Variants in CHRNA9 observed in about 807,000 individuals in gnomAD.
The protein encoded by CHRNA9 is neuronal acetylcholine receptor subunit alpha-9.
Under a neutral mutation model 36.8 loss-of-function variants are expected in CHRNA9, and 24 were observed. The ratio of observed to expected loss-of-function variants is 0.65; its 90% CI spans 0.47 to 0.92. The LOEUF is 0.92. Among genes scored for constraint, CHRNA9 ranks in the 40% least tolerant of loss-of-function variants. The pLI, the probability that CHRNA9 is intolerant of heterozygous loss-of-function variation, is 0.00. For synonymous variants in CHRNA9, 231 were observed against 231.8 expected (o/e 1.00, Z 0.03); for missense variants, 610 against 601.2 (o/e 1.01, Z -0.15).
intron 2 of CHRNA9, among the ~76,000 whole-genome samples, chr4:40,336,604 G>A (rs1712326761): frequency 6.6e-6 from 1 of 151,890 alleles, no homozygotes; most frequent in South Asian, 2.1e-4. Flanking sequence ...AGCCTCCTGA[G>A]TAGCTGAGAC....
rs971333634 is a variant in CHRNA9, at chr4:40,354,114, T to C, written c.1034T>C (p.Met345Thr). The C allele has an allele frequency of 1.2e-6, 2 of 1,614,200 alleles. No homozygotes were observed. Among genetic ancestry groups the C allele is most frequent in the Non-Finnish European group, 1.7e-6 (2 of 1,180,028 alleles). The change falls in exon 5 of 5, where the codon ATG (methionine) becomes ACG (threonine). Residue 345 changes from methionine to threonine, a missense_variant. Physicochemically the swap from Met to Thr is moderately conservative, Grantham distance 81 (BLOSUM62 -1). Transcript: ENST00000310169. Reference protein sequence around the residue: ...HWARVVILKYMSRVLFVYDVG... With the variant: ...HWARVVILKYTSRVLFVYDVG... ...GCCAGGGTGGTCATCCTGAAATACA[T>C]GTCCAGGGTCTTGTTTGTCTATGAT... is the stretch of plus-strand genomic sequence containing the variant.
chr4:40,345,950 A>G (rs1283183893), intron 3 of CHRNA9, among the ~76,000 whole-genome samples: 2 of 152,178 alleles, frequency 1.3e-5, no homozygotes, highest in Non-Finnish European at 2.9e-5. Context: ...GCTTGAACCC[A>G]GGAGGCAGAG....
chr4:40,350,166 C>A (rs917798007), intron 4 of CHRNA9, among the ~76,000 whole-genome samples: 1 of 152,188 alleles, frequency 6.6e-6, no homozygotes, highest in African/African-American at 2.4e-5. Context: ...AAAATCTCAT[C>A]TTCACTGGGT....
chr4:40,348,871 C>G lies in CHRNA9; in HGVS notation c.366-11C>G, dbSNP rs184461941. ...AGCATGCGGCTTTCATTTTCCTTAT[C>G]TGACCTTCAGGGCTGATGATGAATC... On this transcript the variant is annotated splice_polypyrimidine_tract_variant and intron_variant, in intron 3 of 4. Transcript: ENST00000310169. 1,262 of 1,606,616 alleles carry G rather than the reference C, an allele frequency of 7.9e-4. 3 individuals are homozygous for G. The African/African-American group carries it at 0.013, about 17-fold the overall frequency.
rs149710504 is a variant in CHRNA9, at chr4:40,353,641, A to G, written c.899-338A>G. Among the ~76,000 whole-genome samples, 955 of 152,358 alleles carry G rather than the reference A, an allele frequency of 6.3e-3. 6 individuals are homozygous for G. The highest frequency in any genetic ancestry group is 0.022 in the African/African-American group (899 of 41,586). On this transcript the variant is annotated intron_variant, in intron 4 of 4. Transcript: ENST00000310169. ...CCGTGTATACAACAATGGTCCCATA[A>G]GATTATAATGTCAATTTTTACTTTA... is the stretch of plus-strand genomic sequence containing the variant.
intron 3 of CHRNA9, among the ~76,000 whole-genome samples, chr4:40,347,538 A>C (rs1165802762): frequency 6.6e-6 from 1 of 152,192 alleles, no homozygotes; most frequent in Non-Finnish European, 1.5e-5. Flanking sequence ...TATTTTTAAA[A>C]ATTTTGTCTC....
At chr4:40,339,302 GAAAGAAAAAAGAA>G (rs1712429158) in intron 3 of CHRNA9, among the ~76,000 whole-genome samples, 1 of 116,970 alleles carries the variant, frequency 8.5e-6, no homozygotes, top group South Asian at 2.8e-4. Flanking sequence ...AAAAAAAAAA[GAAAGAAAAAAGAA>G]AAAGAAAGAT....
At chr4:40,353,450 C>T (rs1328214825) in intron 4 of CHRNA9, among the ~76,000 whole-genome samples, 3 of 150,978 alleles carry the variant, frequency 2.0e-5, no homozygotes, top group Non-Finnish European at 4.4e-5. Flanking sequence ...GAGATTGCAC[C>T]ACTGCACTCC....
intron 2 of CHRNA9, 71 bp downstream of exon 2, chr4:40,336,043 A>T: frequency 1.5e-6 from 2 of 1,328,530 alleles, no homozygotes; most frequent in African/African-American, 1.4e-5. Flanking sequence ...TCTGAAGAGA[A>T]TGTCTTAACT....
chr4:40,335,897 T>C lies in CHRNA9; in HGVS notation c.135T>C (p.Ala45=), dbSNP rs1385629717. Reference sequence around the variant, plus strand: ...ACCTTTTTGAAGATTATTCTAATGCTCTTCGTCCAGTGGAAGATACAGATA... The same window carrying C: ...ACCTTTTTGAAGATTATTCTAATGCCCTTCGTCCAGTGGAAGATACAGATA... ...FNDLFEDYSN[A]LRPVEDTDKV... The change falls in exon 2 of 5, where the codon GCT becomes GCC. Residue 45 remains alanine, a synonymous_variant. Transcript: ENST00000310169. 9.3e-6 allele frequency: 15 copies of C among 1,611,082 alleles called. No individual in the cohort carries two copies. The highest frequency in any genetic ancestry group is 1.2e-5 in the Non-Finnish European group (14 of 1,177,320).
At chr4:40,340,971 T>TC (rs1307418288) in intron 3 of CHRNA9, among the ~76,000 whole-genome samples, 6 of 51,352 alleles carry the variant, frequency 1.2e-4, no homozygotes, top group African/African-American at 9.7e-4. Flanking sequence ...AGATAAGCTC[T>TC]CCAAAAAAAA....
intron 4 of CHRNA9, among the ~76,000 whole-genome samples, chr4:40,352,254 C>A (rs1040223292): frequency 8.5e-5 from 13 of 152,210 alleles, no homozygotes; most frequent in East Asian, 5.8e-4. Flanking sequence ...CATAGTCTAG[C>A]TCTGTTGCCC....
chr4:40,349,260 C>A lies in CHRNA9; in HGVS notation c.744C>A (p.Cys248Ter), dbSNP rs367777303. Residue 248 changes from cysteine (C) to a stop codon, truncating the protein, a stop_gained, in exon 4 of 5, where the codon TGC becomes TGA. Transcript: ENST00000310169. LOFTEE classifies it high-confidence loss of function. ...SFYIVNLLIP[C>*]VLISFLAPLS... The stretch of plus-strand genomic sequence containing the variant: ...ATATCGTCAACCTCCTCATCCCATG[C>A]GTCCTCATATCTTTTCTGGCTCCTC... 1.9e-6 allele frequency: 3 copies of A among 1,614,150 alleles called. No individual in the cohort carries two copies. Among genetic ancestry groups the A allele is most frequent in the Admixed American group, 1.7e-5 (1 of 60,006 alleles).
intron 3 of CHRNA9, among the ~76,000 whole-genome samples, chr4:40,346,967 C>T (rs542612128): frequency 5.3e-5 from 8 of 152,016 alleles, no homozygotes; most frequent in Admixed American, 1.3e-4. Context: ...CGCGCCACCA[C>T]GCCTGGCTAA....
intron 3 of CHRNA9, among the ~76,000 whole-genome samples, chr4:40,339,484 C>T (rs1351481119): frequency 6.6e-6 from 1 of 150,758 alleles, no homozygotes; most frequent in East Asian, 2.0e-4. Flanking sequence ...AGATCGAGAC[C>T]ATCCTGGCTA....
At position 40,342,310 on chromosome 4, in the gene CHRNA9, C is replaced by T. The variant is rs577025541; in HGVS notation, c.365+4946C>T. ...CAGTTTGGGGAACCAAAGAAACATCCTCATGGAAATGTCCAATAGTGAGAT... is the reference window on the plus strand; with the variant it reads ...CAGTTTGGGGAACCAAAGAAACATCTTCATGGAAATGTCCAATAGTGAGAT... On this transcript the variant is annotated intron_variant, in intron 3 of 4. Transcript: ENST00000310169. 3.9e-5 allele frequency among the ~76,000 whole-genome samples: 6 copies of T among 152,222 alleles called. No homozygotes were observed. The South Asian group carries it at 6.2e-4, about 16-fold the overall frequency.
chr4:40,348,761 C>T, intron 3 of CHRNA9, 121 bp from the exon 4 acceptor site: 1 of 914,294 alleles, frequency 1.1e-6, no homozygotes, highest in Non-Finnish European at 1.7e-6. Context: ...GCCACAGTGA[C>T]AGGCAAAATG....
intron 3 of CHRNA9, among the ~76,000 whole-genome samples, chr4:40,338,856 C>CTG (rs1712404407): frequency 7.6e-6 from 1 of 131,192 alleles, no homozygotes; most frequent in African/African-American, 3.1e-5. Context: ...GTCTCTGTCT[C>CTG]TCTCTCTCTC....
At chr4:40,339,878 G>A (rs1393115473) in intron 3 of CHRNA9, among the ~76,000 whole-genome samples, 1 of 151,828 alleles carries the variant, frequency 6.6e-6, no homozygotes, top group Non-Finnish European at 1.5e-5. Context: ...TGTTGCCCAG[G>A]CTGGTTTCGA....
Sources: gnomAD v4.1 joint callset for allele counts (sites outside exome capture counted in the v4.1 genomes callset) on GRCh38, gnomAD v4.1.1 for gene constraint, MANE v1.5 for transcripts, NCBI Gene and HGNC (gene_info 2026-07-23, HGNC 2026-07-21) for gene names.